Variants in COL5A1 observed in about 807,000 individuals in gnomAD.
COL5A1 encodes the protein collagen type V alpha 1 chain.
A neutral mutation model predicts 263.7 loss-of-function variants in COL5A1; 16 were observed. That is an observed-to-expected ratio of 0.06 (90% confidence interval 0.04 to 0.09). The LOEUF is 0.09. COL5A1 is among the 10% of genes least tolerant of loss of function. The pLI is 1.00. For missense variants in COL5A1, 2,036 were observed against 2,540.5 expected (o/e 0.80, Z 4.27); for synonymous variants, 1,012 against 1,004.5 (o/e 1.01, Z -0.14).
intron 64 of COL5A1, 175 bp downstream of exon 64, chr9:134,830,219 TGCGGCACGGCTGGCTC>T (rs772458596): frequency 1.3e-6 from 2 of 1,574,002 alleles, no homozygotes; most frequent in Non-Finnish European, 1.7e-6. Flanking sequence ...ACTGCCTGCT[TGCGGCACGGCTGGCTC>T]GCGGCTCTGC....
intron 18 of COL5A1, among the ~76,000 whole-genome samples, chr9:134,759,556 TACAC>T (rs1237792334): frequency 6.3e-5 from 6 of 94,578 alleles, no homozygotes; most frequent in East Asian, 4.5e-4. Context: ...CACACACTCA[TACAC>T]ACATGCACAC....
In COL5A1 at chr9:134,680,753, C is replaced by T. The variant is rs899974789; in HGVS notation, c.110-10159C>T. 2.0e-5 allele frequency among the ~76,000 whole-genome samples: 3 copies of T among 152,156 alleles called. No homozygotes were observed. Among genetic ancestry groups the T allele is most frequent in the Admixed American group, 1.3e-4 (2 of 15,274 alleles). The stretch of plus-strand genomic sequence containing the variant: ...TGGACCTGTGACAGCCAGGGCCTCC[C>T]GGGAAAATTCCACAGGGGCAGAAGG... On this transcript the variant is annotated intron_variant, in intron 1 of 65. Transcript: ENST00000371817. The surrounding 1 kb of genome is among the most constrained non-coding windows in gnomAD (Gnocchi z 5.9).
intron 4 of COL5A1, among the ~76,000 whole-genome samples, chr9:134,706,015 G>T (rs190601140): frequency 6.6e-6 from 1 of 152,314 alleles, no homozygotes; most frequent in Admixed American, 6.5e-5. Context: ...GTTTGGGTTC[G>T]CAGGCCCCTG....
chr9:134,752,045 C>A (rs1464350884), intron 13 of COL5A1, among the ~76,000 whole-genome samples: 2 of 152,226 alleles, frequency 1.3e-5, no homozygotes, highest in East Asian at 3.9e-4. Flanking sequence ...GCTGCAGAAG[C>A]GGCTCTGTGG....
In COL5A1 at chr9:134,768,260, G is replaced by A. The variant is rs150289772; in HGVS notation, c.2233-150G>A. ...CTCCTGGGCGCTACCGTGGCTGCAC[G>A]CCTCACAGCCAGGGACCCAGTGCCT... On this transcript the variant is annotated intron_variant, in intron 24 of 65. Transcript: ENST00000371817. The A allele has an allele frequency of 2.8e-3, 2,169 of 773,266 alleles. 9 individuals are homozygous for A. Among genetic ancestry groups the A allele is most frequent in the Middle Eastern group, 8.3e-3 (33 of 3,964 alleles). 47.9% of individuals were successfully genotyped at this position (773,266 alleles called of 1,614,324 possible). A position where few individuals can be genotyped will look rare whatever the true frequency, so the allele number is the denominator to read the frequency against.
In COL5A1 at chr9:134,728,794, C is replaced by T; in HGVS notation, c.911C>T (p.Thr304Ile). The change falls in exon 6 of 66, where the codon ACA becomes ATA. Residue 304 changes from threonine to isoleucine, a missense_variant. Thr to Ile is a moderately conservative substitution (Grantham distance 89, BLOSUM62 -1). Transcript: ENST00000371817. ...KKPVEAAKET[T>I]EVPEELTPTP... ...CCCGTGGAAGCTGCCAAAGAAACCA[C>T]AGAGGTCCCCGAGGTCTGGGCTGAG... 1 of 1,614,176 alleles carries T rather than the reference C, an allele frequency of 6.2e-7. No homozygotes were observed. The highest frequency in any genetic ancestry group is 8.5e-7 in the Non-Finnish European group (1 of 1,180,042).
chr9:134,734,079 G>T (rs763217864), intron 9 of COL5A1, among the ~76,000 whole-genome samples: 3 of 152,140 alleles, frequency 2.0e-5, no homozygotes, highest in Non-Finnish European at 4.4e-5. Flanking sequence ...AGCTGGCTCT[G>T]TGAGTGTAGA....
intron 1 of COL5A1, among the ~76,000 whole-genome samples, chr9:134,649,966 A>G (rs1831614479): frequency 6.6e-6 from 1 of 150,500 alleles, no homozygotes; most frequent in African/African-American, 2.4e-5. Flanking sequence ...GTTCTCACTC[A>G]TAAGTGGGAG....
intron 4 of COL5A1, among the ~76,000 whole-genome samples, chr9:134,703,783 G>A (rs1332833658): frequency 2.0e-5 from 3 of 151,768 alleles, no homozygotes; most frequent in Non-Finnish European, 4.4e-5. Context: ...GACTACAGGC[G>A]CCCGCCACCA....
chr9:134,821,247 T>C lies in COL5A1; in HGVS notation c.4555-850T>C, dbSNP rs540633646. 4.6e-5 allele frequency among the ~76,000 whole-genome samples: 7 copies of C among 152,052 alleles called. No individual in the cohort carries two copies. The East Asian group carries it at 1.4e-3, about 29-fold the overall frequency. ...GGAAAGCACCCCTGTGTCCACCCTG[T>C]TTGCTCACCTGCCCTCACCCCAAAC... On this transcript the variant is annotated intron_variant, in intron 58 of 65. Transcript: ENST00000371817. This position sits in a 1 kb window ranked among gnomAD's most constrained non-coding sequence, Gnocchi z 4.2.
Position 134,700,204 on chromosome 9 carries a change from C to A in COL5A1, c.491+82C>A. 1 of 1,334,288 alleles carries A rather than the reference C, an allele frequency of 7.5e-7. No homozygotes were observed. The highest frequency in any genetic ancestry group is 1.2e-5 in the South Asian group (1 of 82,082). 82.7% of individuals were successfully genotyped at this position (1,334,288 alleles called of 1,614,324 possible). A position where few individuals can be genotyped will look rare whatever the true frequency, so the allele number is the denominator to read the frequency against. On this transcript the variant is annotated intron_variant, in intron 3 of 65. Transcript: ENST00000371817. This position sits in a 1 kb window ranked among gnomAD's most constrained non-coding sequence, Gnocchi z 4.0. ...CATACCACTGACCAGATGTGGGGCA[C>A]AGTAGAGGACGTGCAGCAGCCGGTA...
rs1004099256 is a variant in COL5A1, at chr9:134,786,191, C to T, written c.2646+143C>T. ...ATAACTTCTGGCCATGTTACGTGTC[C>T]TGGTGCAGGCGTGGGGGTTGTACCG... On this transcript the variant is annotated intron_variant, in intron 31 of 65. Transcript: ENST00000371817. The T allele has an allele frequency of 3.7e-6, 3 of 801,854 alleles. No homozygotes were observed. The African/African-American group carries it at 5.2e-5, about 14-fold the overall frequency. 49.7% of individuals were successfully genotyped at this position (801,854 alleles called of 1,614,324 possible).
intron 1 of COL5A1, among the ~76,000 whole-genome samples, chr9:134,665,964 G>A (rs1209840772): frequency 6.6e-6 from 1 of 152,196 alleles, no homozygotes; most frequent in African/African-American, 2.4e-5. Context: ...GCACATGCCT[G>A]TGGTCCCAGC....
chr9:134,701,323 A>C lies in COL5A1; in HGVS notation c.644A>C (p.Glu215Ala). Residue 215 changes from glutamate to alanine, a missense_variant, in exon 4 of 66, where the codon GAG becomes GCG. Glu to Ala is a moderately radical substitution (Grantham distance 107). Transcript: ENST00000371817. ...TTTGGCACCCGGATCCTGGATGAGG[A>C]GGTGTTTGAGGTGAGCAGGAGGGCA... ...IVFGTRILDE[E>A]VFEGDIQQLL... 6.2e-7 allele frequency: 1 copy of C among 1,613,476 alleles called. No homozygotes were observed. Among genetic ancestry groups the C allele is most frequent in the Non-Finnish European group, 8.5e-7 (1 of 1,179,870 alleles).
chr9:134,689,708 TGACC>T (rs981969201), intron 1 of COL5A1, among the ~76,000 whole-genome samples: 2 of 152,212 alleles, frequency 1.3e-5, no homozygotes, highest in Admixed American at 6.5e-5. Context: ...ATCCCTGAGC[TGACC>T]GTCTGGGACA....
rs940234875 is a variant in COL5A1 at position 134,842,663 on chromosome 9, C to G, written c.*360C>G. 8.1e-6 allele frequency: 3 copies of G among 369,504 alleles called. No homozygotes were observed. In the South Asian group the frequency reaches 1.2e-4, roughly 14 times the overall value. The allele number at this position is 369,504 out of a possible 1,614,324, so 22.9% of individuals were successfully genotyped here. On this transcript the variant is annotated 3_prime_UTR_variant, in exon 66 of 66. Transcript: ENST00000371817. The surrounding 1 kb of genome is among the most constrained non-coding windows in gnomAD (Gnocchi z 5.8). ...TCTCAGGGGTTGGGGGAGGGACTGC[C>G]AGATTTGGACACTATATTTTTTTCT...
At chr9:134,777,426 G>T (rs1837094712) in intron 27 of COL5A1, among the ~76,000 whole-genome samples, 1 of 152,222 alleles carries the variant, frequency 6.6e-6, no homozygotes, top group Non-Finnish European at 1.5e-5. Context: ...AATGGGAGGT[G>T]CTGCTCACCC....
chr9:134,708,772 G>A (rs1222078228), intron 4 of COL5A1: 1 of 463,844 alleles, frequency 2.2e-6, no homozygotes, highest in East Asian at 6.7e-5. Context: ...ACAGCCCGGT[G>A]GCAAACAGCA....
In COL5A1 at chr9:134,842,724, T is replaced by C; in HGVS notation, c.*421T>C. ...TGAAGATGTGTATTTCCCCTGACCT[T>C]CAAAAAATGTTCCAAGGTAAGCCTC... On this transcript the variant is annotated 3_prime_UTR_variant, in exon 66 of 66. Coordinates refer to ENST00000371817, the MANE Select transcript of COL5A1 (RefSeq NM_000093.5). The surrounding 1 kb of genome is among the most constrained non-coding windows in gnomAD (Gnocchi z 5.8). The C allele has an allele frequency of 4.2e-6, 1 of 235,804 alleles. No individual in the cohort carries two copies. Among genetic ancestry groups the C allele is most frequent in the Non-Finnish European group, 8.4e-6 (1 of 118,650 alleles). The allele number at this position is 235,804 out of a possible 1,614,324, so 14.6% of individuals were successfully genotyped here.
Sources: gnomAD v4.1 joint callset for allele counts (sites outside exome capture counted in the v4.1 genomes callset) on GRCh38, gnomAD v4.1.1 for gene constraint, Gnocchi (gnomAD v3.1) non-coding constraint, MANE v1.5 for transcripts, NCBI Gene and HGNC (gene_info 2026-07-23, HGNC 2026-07-21) for gene names.